LOC128706665: variants seen among roughly 807,000 people sequenced by gnomAD.
chr20:10,427,151 A>T, the LOC128706665 span, among the ~76,000 whole-genome samples: 1 of 151,934 alleles, frequency 6.6e-6, no homozygotes, highest in African/African-American at 2.4e-5. Flanking sequence ...TAGCCATCAG[A>T]TTATTCTATC....
chr20:10,424,976 C>A, the LOC128706665 span, among the ~76,000 whole-genome samples: 2 of 151,528 alleles, frequency 1.3e-5, no homozygotes, highest in Non-Finnish European at 2.9e-5. Flanking sequence ...TCACTTGAAC[C>A]TGGGAGGCGG....
At chr20:10,414,110 C>T in the LOC128706665 span, among the ~76,000 whole-genome samples, 2 of 152,078 alleles carry the variant, frequency 1.3e-5, no homozygotes, top group Non-Finnish European at 2.9e-5. Flanking sequence ...CTTTATTCTT[C>T]AATAAATCCC....
the LOC128706665 span, among the ~76,000 whole-genome samples, chr20:10,415,837 A>T: frequency 1.2e-3 from 182 of 152,360 alleles, no homozygotes; most frequent in Admixed American, 3.0e-3. Context: ...AGACCAGTAC[A>T]CATATCTTTT....
At chr20:10,414,468 T>C in the LOC128706665 span, among the ~76,000 whole-genome samples, 1 of 152,058 alleles carries the variant, frequency 6.6e-6, no homozygotes, top group Non-Finnish European at 1.5e-5. Flanking sequence ...TTTCTCCATG[T>C]TTGCCAGGTT....
chr20:10,427,295 G>A, the LOC128706665 span, among the ~76,000 whole-genome samples: 1 of 152,152 alleles, frequency 6.6e-6, no homozygotes, highest in African/African-American at 2.4e-5. Context: ...GGCGCCATCT[G>A]CTGGCCTTTT....
the LOC128706665 span, among the ~76,000 whole-genome samples, chr20:10,421,346 C>G: frequency 6.7e-6 from 1 of 149,538 alleles, no homozygotes; most frequent in Non-Finnish European, 1.5e-5. Flanking sequence ...CTTGCTTGAA[C>G]TTGGGAGGTG....
the LOC128706665 span, among the ~76,000 whole-genome samples, chr20:10,425,201 T>C: frequency 6.6e-6 from 1 of 152,212 alleles, no homozygotes; most frequent in Non-Finnish European, 1.5e-5. Flanking sequence ...AATGTGATCA[T>C]GATACACATG....
chr20:10,428,840 T>C, the LOC128706665 span, among the ~76,000 whole-genome samples: 3 of 90,326 alleles, frequency 3.3e-5, no homozygotes, highest in Non-Finnish European at 7.6e-5. Context: ...CAAGACTCCG[T>C]CTCAATAAAT....
chr20:10,415,651 C>G, the LOC128706665 span, among the ~76,000 whole-genome samples: 1 of 152,216 alleles, frequency 6.6e-6, no homozygotes, highest in Non-Finnish European at 1.5e-5. Context: ...TGAAACCTCA[C>G]AAAGTGACTT....
chr20:10,417,417 C>T, the LOC128706665 span, among the ~76,000 whole-genome samples: 1 of 152,104 alleles, frequency 6.6e-6, no homozygotes, highest in Non-Finnish European at 1.5e-5. Flanking sequence ...TTGAGACCAG[C>T]CTGGGCAACA....
chr20:10,413,767 A>G, the LOC128706665 span: 2 of 588,618 alleles, frequency 3.4e-6, no homozygotes, highest in African/African-American at 3.7e-5. Flanking sequence ...TTGCTTTGAG[A>G]CTGAAATTTT....
At chr20:10,422,757 G>T in the LOC128706665 span, among the ~76,000 whole-genome samples, 79 of 149,338 alleles carry the variant, frequency 5.3e-4, no homozygotes, top group African/African-American at 1.8e-3. Context: ...TGTCACCCAA[G>T]CTGTAGTGCA....
the LOC128706665 span, among the ~76,000 whole-genome samples, chr20:10,421,228 G>A: frequency 6.6e-6 from 1 of 152,054 alleles, no homozygotes; most frequent in Admixed American, 6.6e-5. Flanking sequence ...TCAGGAGTTC[G>A]AGACCAGCCT....
the LOC128706665 span, among the ~76,000 whole-genome samples, chr20:10,423,452 G>A: frequency 6.6e-6 from 1 of 152,188 alleles, no homozygotes; most frequent in East Asian, 1.9e-4. Context: ...AAAGAGACTG[G>A]ATAGGATAAA....
At chr20:10,427,455 T>C in the LOC128706665 span, among the ~76,000 whole-genome samples, 11 of 152,382 alleles carry the variant, frequency 7.2e-5, no homozygotes, top group Admixed American at 7.2e-4. Context: ...GCTCTTGTGA[T>C]AATGAAACTT....
the LOC128706665 span, among the ~76,000 whole-genome samples, chr20:10,424,749 T>G: frequency 6.6e-6 from 1 of 152,138 alleles, no homozygotes; most frequent in African/African-American, 2.4e-5. Flanking sequence ...CCTCTGTGGT[T>G]TTTTACAAAA....
the LOC128706665 span, among the ~76,000 whole-genome samples, chr20:10,424,716 T>A: frequency 3.9e-5 from 6 of 152,242 alleles, no homozygotes; most frequent in Non-Finnish European, 8.8e-5. Context: ...AATTTAAATT[T>A]AGCACTTTTT....
the LOC128706665 span, among the ~76,000 whole-genome samples, chr20:10,421,403 T>A: frequency 7.5e-6 from 1 of 133,798 alleles, no homozygotes; most frequent in Non-Finnish European, 1.5e-5. Flanking sequence ...GGCAACAGAA[T>A]GAGACTCCAT....
the LOC128706665 span, among the ~76,000 whole-genome samples, chr20:10,429,904 T>G: frequency 6.6e-6 from 1 of 152,146 alleles, no homozygotes; most frequent in Non-Finnish European, 1.5e-5. Flanking sequence ...AACTCTAGGG[T>G]GGGGTCCAGT....
Sources: allele counts gnomAD v4.1 joint callset (sites outside exome capture counted in the v4.1 genomes callset), GRCh38; gene constraint gnomAD v4.1.1; transcripts MANE v1.5.